Variants in NFATC2 observed in about 807,000 individuals in gnomAD.
The protein encoded by NFATC2 is nuclear factor of activated T cells 2.
A neutral mutation model predicts 87.3 loss-of-function variants in NFATC2; 22 were observed. That is an observed-to-expected ratio of 0.25 (90% CI 0.18 to 0.36). The LOEUF (loss-of-function observed/expected upper bound fraction) is 0.36, where lower values mean the gene tolerates loss of function less well. NFATC2 is among the 10% of genes least tolerant of loss of function. The probability of loss-of-function intolerance (pLI) is 1.00; values close to 1 mark genes in which losing one functional copy is unlikely to be tolerated. For missense variants in NFATC2, 1,149 were observed against 1,259.1 expected, an observed-to-expected ratio of 0.91 and a Z score of 1.32; for synonymous variants, 565 against 542.2, an observed-to-expected ratio of 1.04 and a Z score of -0.58.
At chr20:51,478,844 A>G (rs1270582157) in intron 3 of NFATC2, among the ~76,000 whole-genome samples, 1 of 152,128 alleles carries the variant, frequency 6.6e-6, no homozygotes, top group Non-Finnish European at 1.5e-5. Flanking sequence ...GAACACACCA[A>G]GGTCTTTCTG....
At chr20:51,424,488 C>T (rs752330717) in intron 9 of NFATC2, among the ~76,000 whole-genome samples, 10 of 152,190 alleles carry the variant, frequency 6.6e-5, no homozygotes, top group African/African-American at 1.7e-4. Flanking sequence ...CTTTACAGGA[C>T]GCCCCCATTT....
chr20:51,561,862 T>C (rs879930804), intron 1 of NFATC2, among the ~76,000 whole-genome samples: 7 of 151,976 alleles, frequency 4.6e-5, no homozygotes, highest in African/African-American at 1.5e-4. Flanking sequence ...ATGCTCCTTA[T>C]AGTTAACCCC....
chr20:51,491,105 T>A (rs1320562850), intron 3 of NFATC2, among the ~76,000 whole-genome samples: 4 of 152,188 alleles, frequency 2.6e-5, no homozygotes, highest in African/African-American at 9.7e-5. Flanking sequence ...TACCACTGCC[T>A]GCCCACAAGC....
chr20:51,404,911 C>T (rs1988411637), intron 9 of NFATC2, among the ~76,000 whole-genome samples: 1 of 152,228 alleles, frequency 6.6e-6, no homozygotes, highest in African/African-American at 2.4e-5. Context: ...ACCCTGCCAC[C>T]AGCCATTTTA....
chr20:51,424,795 T>C (rs375130217), intron 9 of NFATC2, among the ~76,000 whole-genome samples: 7 of 150,786 alleles, frequency 4.6e-5, no homozygotes, highest in African/African-American at 1.5e-4. Context: ...CCACCTTTTG[T>C]AGAAAAGGGG....
intron 3 of NFATC2, among the ~76,000 whole-genome samples, chr20:51,477,565 ATATATATATAT>A (rs1568667227): frequency 4.1e-4 from 44 of 107,066 alleles, no homozygotes; most frequent in African/African-American, 1.2e-3. Flanking sequence ...ATATATATAT[ATATATATATAT>A]ATATAAAATA....
intron 6 of NFATC2, among the ~76,000 whole-genome samples, chr20:51,443,813 G>T (rs1004606219): frequency 6.6e-6 from 1 of 152,040 alleles, no homozygotes; most frequent in Admixed American, 6.5e-5. Context: ...ACTGGCAGCC[G>T]GTGTGAAAAC....
chr20:51,543,206 A>G (rs1263701248), upstream of NFATC2, among the ~76,000 whole-genome samples: 1 of 152,146 alleles, frequency 6.6e-6, no homozygotes, highest in Non-Finnish European at 1.5e-5. Flanking sequence ...CTAGGAAGGA[A>G]TCGGACTGAC....
At position 51,472,574 on chromosome 20, in the gene NFATC2, A is replaced by G. The variant is rs548938246; in HGVS notation, c.1708+1406T>C. Among the ~76,000 whole-genome samples the G allele has an allele frequency of 2.3e-4, 35 of 152,218 alleles. No homozygotes were observed. In the South Asian group the frequency reaches 4.8e-3, roughly 21 times the overall value. On this transcript the variant is annotated intron_variant, in intron 5 of 10. Transcript: ENST00000371564. ...TGTTCTTAGAAGAAAGAGACTTTAAAACAATAGAAACAGTTTTTGTTTCTG... is the reference window on the plus strand; with the variant it reads ...TGTTCTTAGAAGAAAGAGACTTTAAGACAATAGAAACAGTTTTTGTTTCTG...
chr20:51,432,316 G>A lies in NFATC2; in HGVS notation c.2473C>T (p.His825Tyr), dbSNP rs762655231. The A allele has an allele frequency of 3.1e-6, 5 of 1,614,118 alleles. No individual in the cohort carries two copies. Among genetic ancestry groups the A allele is most frequent in the Non-Finnish European group, 4.2e-6 (5 of 1,180,052 alleles). ...TACATGATGTGCTGGAACTCCTGGT[G>A]GCTTCCGCAGCGCAGCTGCTGGTTG... ...PTNQQLRCGS[H>Y]QEFQHIMYCE... The change falls in exon 9 of 11, where the codon CAC (histidine) becomes TAC (tyrosine). Residue 825 changes from histidine (H) to tyrosine (Y), a missense_variant. By Grantham distance (83) the His-to-Tyr change is moderately conservative. Coordinates refer to ENST00000371564, the MANE Select transcript of NFATC2 (RefSeq NM_012340.5). This position sits in a 1 kb window ranked among gnomAD's most constrained non-coding sequence, Gnocchi z 4.6.
intron 10 of NFATC2, among the ~76,000 whole-genome samples, chr20:51,392,836 C>T (rs932589345): frequency 1.3e-5 from 2 of 152,166 alleles, no homozygotes; most frequent in South Asian, 4.1e-4. Flanking sequence ...CTGGAAAACC[C>T]CTGCCCAGAT....
chr20:51,467,554 T>A (rs1356410985), intron 5 of NFATC2, among the ~76,000 whole-genome samples: 1 of 83,738 alleles, frequency 1.2e-5, no homozygotes, highest in African/African-American at 3.5e-5. Flanking sequence ...TGAGACTCCA[T>A]CTCAAAAAAA....
In NFATC2 at chr20:51,443,921, T is replaced by TA. The variant is rs111389170; in HGVS notation, c.1850-8161dup. 4.9e-3 allele frequency among the ~76,000 whole-genome samples: 693 copies of TA among 142,790 alleles called. 2 individuals are homozygous for TA. The highest frequency in any genetic ancestry group is 8.9e-3 in the East Asian group (44 of 4,966). 93.7% of individuals were successfully genotyped at this position (142,790 alleles called of 152,430 possible). A position where few individuals can be genotyped will look rare whatever the true frequency, so the allele number is the denominator to read the frequency against. On this transcript the variant is annotated intron_variant, in intron 6 of 10. Transcript: ENST00000371564. Reference sequence around the variant, plus strand: ...GAAGACTTAGCACAACTCTGCAAGTTAAAAAAAAAAACAAAAAAAATAGGG... The same window carrying TA: ...GAAGACTTAGCACAACTCTGCAAGTTAAAAAAAAAAAACAAAAAAAATAGGG...
intron 5 of NFATC2, 108 bp from the exon 6 acceptor site, chr20:51,454,796 C>T (rs1986222749): frequency 1.6e-6 from 2 of 1,235,080 alleles, no homozygotes; most frequent in Non-Finnish European, 2.3e-6. Context: ...CCACCTGTGT[C>T]ACCTGTTGTT....
intron 3 of NFATC2, among the ~76,000 whole-genome samples, chr20:51,507,970 CCAGCA>C (rs1394806132): frequency 6.6e-6 from 1 of 152,140 alleles, no homozygotes; most frequent in Non-Finnish European, 1.5e-5. Context: ...GCCACCCTGC[CCAGCA>C]CACACGAGGG....
At chr20:51,438,672 G>C (rs79789166) in intron 6 of NFATC2, among the ~76,000 whole-genome samples, 1 of 152,114 alleles carries the variant, frequency 6.6e-6, no homozygotes, top group Non-Finnish European at 1.5e-5. Flanking sequence ...TGTCCTCTCC[G>C]GGTCAAGGGA....
upstream of NFATC2, chr20:51,562,716 C>T: frequency 1.5e-6 from 2 of 1,343,586 alleles, no homozygotes; most frequent in East Asian, 2.6e-5. This position sits in a 1 kb window ranked among gnomAD's most constrained non-coding sequence, Gnocchi z 5.8. Flanking sequence ...TCTTCTCTAC[C>T]GCGTGCCCGC....
At chr20:51,511,686 C>G (rs1055685716) in intron 3 of NFATC2, among the ~76,000 whole-genome samples, 5 of 152,172 alleles carry the variant, frequency 3.3e-5, no homozygotes, top group African/African-American at 7.2e-5. Context: ...CCATAGCTTC[C>G]GCTCCCACTG....
chr20:51,528,758 C>G (rs2076586329), intron 1 of NFATC2, among the ~76,000 whole-genome samples: 1 of 152,118 alleles, frequency 6.6e-6, no homozygotes, highest in African/African-American at 2.4e-5. Flanking sequence ...AGTAATGAAA[C>G]CCTGTTTTAC....
Sources: allele counts gnomAD v4.1 joint callset (sites outside exome capture counted in the v4.1 genomes callset), GRCh38; gene constraint gnomAD v4.1.1; non-coding constraint Gnocchi (gnomAD v3.1); transcripts MANE v1.5; gene names NCBI Gene and HGNC (gene_info 2026-07-23, HGNC 2026-07-21).